Variants in DNAJB6 observed in about 807,000 individuals in gnomAD.
DNAJB6 encodes the protein DnaJ heat shock protein family (Hsp40) member B6.
In DNAJB6, 16 loss-of-function variants were observed where a neutral mutation model predicts 42.7. The observed-to-expected ratio is 0.37, with a 90% confidence interval of 0.25 to 0.57. The LOEUF is 0.57. DNAJB6 is among the 20% of genes least tolerant of loss of function. DNAJB6 has a pLI of 0.74. For synonymous variants in DNAJB6, 170 were observed against 163.5 expected, an observed-to-expected ratio of 1.04 and a Z score of -0.30; for missense variants, 347 against 416.8, an observed-to-expected ratio of 0.83 and a Z score of 1.46.
intron 1 of DNAJB6, among the ~76,000 whole-genome samples, chr7:157,343,564 A>C (rs778014841): frequency 6.6e-6 from 1 of 152,016 alleles, no homozygotes; most frequent in African/African-American, 2.4e-5. Flanking sequence ...TCCCGGGTTC[A>C]AGCAGTTCTC....
At chr7:157,365,668 A>AT (rs1554457692) in intron 3 of DNAJB6, among the ~76,000 whole-genome samples, 4 of 151,524 alleles carry the variant, frequency 2.6e-5, no homozygotes, top group Non-Finnish European at 5.9e-5. Context: ...AAAGAAAAAA[A>AT]TTTTTTTTTG....
intron 8 of DNAJB6, among the ~76,000 whole-genome samples, chr7:157,408,535 T>C (rs1289772750): frequency 2.6e-5 from 4 of 152,234 alleles, no homozygotes; most frequent in Non-Finnish European, 4.4e-5. Context: ...TGTGGGGGTC[T>C]TCCTTAGGCC....
In DNAJB6 at chr7:157,381,013, G is replaced by A. The variant is rs1584922965; in HGVS notation, c.347-1233G>A. Reference sequence around the variant, plus strand: ...CTAGTCACTGCATTTTTTTTTTTTAGTAGAGACAAAGTCTTGCTGTGTTGT... The same window carrying A: ...CTAGTCACTGCATTTTTTTTTTTTAATAGAGACAAAGTCTTGCTGTGTTGT... On this transcript the variant is annotated intron_variant, in intron 5 of 9. Coordinates refer to ENST00000262177, the MANE Select transcript of DNAJB6 (RefSeq NM_058246.4). 2.0e-5 allele frequency: 3 copies of A among 148,900 alleles called. No individual in the cohort carries two copies. The South Asian group carries it at 6.3e-4, about 31-fold the overall frequency. 9.2% of individuals were successfully genotyped at this position (148,900 alleles called of 1,614,324 possible).
intron 6 of DNAJB6, 72 bp downstream of exon 6, chr7:157,382,449 T>C: frequency 6.7e-7 from 1 of 1,487,156 alleles, no homozygotes; most frequent in Non-Finnish European, 9.0e-7. Context: ...AATACTCTTT[T>C]AGTTAGAGTG....
chr7:157,401,365 G>GCCA lies in DNAJB6; in HGVS notation c.692-8425_692-8423dup, dbSNP rs553901646. Among the ~76,000 whole-genome samples, 9 of 152,186 alleles carry GCCA rather than the reference G, an allele frequency of 5.9e-5. No individual in the cohort carries two copies. The South Asian group carries it at 1.9e-3, about 32-fold the overall frequency. On this transcript the variant is annotated intron_variant, in intron 8 of 9. Transcript: ENST00000262177. ...CGAGTAGCTGGGATTACAGGCACGC[G>GCCA]CCACCACACCCCGCTAATTTTGTAT...
intron 6 of DNAJB6, 40 bp downstream of exon 6, chr7:157,382,417 C>T (rs1423569133): frequency 6.4e-7 from 1 of 1,558,352 alleles, no homozygotes; most frequent in South Asian, 1.2e-5. Context: ...ATCTTAACAG[C>T]AGTTAGTACT....
chr7:157,408,749 G>A (rs970263755), intron 8 of DNAJB6, among the ~76,000 whole-genome samples: 1 of 152,234 alleles, frequency 6.6e-6, no homozygotes, highest in African/African-American at 2.4e-5. Context: ...AATGTCTGTC[G>A]GTCTGTCAGT....
At chr7:157,385,512 AG>A (rs1407056505) in intron 7 of DNAJB6, 28 bp from the exon 8 acceptor site, 3 of 1,607,440 alleles carry the variant, frequency 1.9e-6, no homozygotes, top group Middle Eastern at 1.7e-4. Flanking sequence ...TTTACCAGAA[AG>A]GTTTTTAAAT....
intron 5 of DNAJB6, among the ~76,000 whole-genome samples, chr7:157,373,424 T>C (rs1800317034): frequency 6.6e-6 from 1 of 152,116 alleles, no homozygotes; most frequent in South Asian, 2.1e-4. Context: ...AGTCTCAGCT[T>C]ACTGCAACTT....
chr7:157,385,793 A>G (rs1027802839), intron 8 of DNAJB6, 182 bp downstream of exon 8: 13 of 1,355,544 alleles, frequency 9.6e-6, no homozygotes, highest in Middle Eastern at 2.7e-4. Flanking sequence ...CGGAGCCTCT[A>G]TTTGTCATAG....
intron 5 of DNAJB6, among the ~76,000 whole-genome samples, chr7:157,369,731 TTATTATTAAA>T (rs1800042815): frequency 2.1e-5 from 3 of 142,790 alleles, no homozygotes; most frequent in Non-Finnish European, 3.1e-5. Context: ...CTTCTTCACA[TTATTATTAAA>T]CAGGCCCCTT....
At chr7:157,381,251 G>A (rs1173259463) in intron 5 of DNAJB6, 1 of 152,000 alleles carries the variant, frequency 6.6e-6, no homozygotes, top group Non-Finnish European at 1.5e-5. Flanking sequence ...GGTTGCTCTG[G>A]CCTGCAAGTA....
At chr7:157,363,794 TACTG>T (rs1359822483) in intron 3 of DNAJB6, among the ~76,000 whole-genome samples, 1 of 152,182 alleles carries the variant, frequency 6.6e-6, no homozygotes, top group African/African-American at 2.4e-5. Context: ...TGTTCTATGT[TACTG>T]GAAGTCAGAT....
chr7:157,359,475 A>G (rs1301901966), intron 2 of DNAJB6, among the ~76,000 whole-genome samples: 1 of 152,158 alleles, frequency 6.6e-6, no homozygotes, highest in Non-Finnish European at 1.5e-5. Context: ...GGCCTCCCAG[A>G]TTGCTGCGGT....
At chr7:157,362,759 C>T (rs1563122587) in intron 2 of DNAJB6, among the ~76,000 whole-genome samples, 1 of 152,060 alleles carries the variant, frequency 6.6e-6, no homozygotes, top group African/African-American at 2.4e-5. Flanking sequence ...TCTAGAGGTT[C>T]GTTTGTATTA....
intron 5 of DNAJB6, among the ~76,000 whole-genome samples, chr7:157,375,395 A>G (rs1196910077): frequency 1.3e-5 from 2 of 152,182 alleles, no homozygotes; most frequent in Non-Finnish European, 2.9e-5. Context: ...ATTTGATTGC[A>G]GTGTATTGTG....
chr7:157,359,722 G>C (rs569816945), intron 2 of DNAJB6, among the ~76,000 whole-genome samples: 1 of 152,210 alleles, frequency 6.6e-6, no homozygotes, highest in Non-Finnish European at 1.5e-5. Flanking sequence ...CAGAGGCTGA[G>C]GCAGGAGAAT....
At chr7:157,401,943 G>C (rs754835939) in intron 8 of DNAJB6, among the ~76,000 whole-genome samples, 17 of 152,158 alleles carry the variant, frequency 1.1e-4, no homozygotes, top group Non-Finnish European at 2.2e-4. Context: ...TCTCAGGATG[G>C]TTGCAAGCCT....
At chr7:157,350,171 T>A (rs1240477507) in intron 1 of DNAJB6, among the ~76,000 whole-genome samples, 1 of 152,194 alleles carries the variant, frequency 6.6e-6, no homozygotes, top group African/African-American at 2.4e-5. Context: ...TATCTTTTGT[T>A]GGTGGCAATT....
Sources: allele counts gnomAD v4.1 joint callset (sites outside exome capture counted in the v4.1 genomes callset), GRCh38; gene constraint gnomAD v4.1.1; transcripts MANE v1.5; gene names NCBI Gene and HGNC (gene_info 2026-07-23, HGNC 2026-07-21).